The following ELMO1 variants were observed in gnomAD, a reference collection of about 807,000 sequenced individuals.
ELMO1 encodes the protein engulfment and cell motility protein 1.
In ELMO1, 26 loss-of-function variants were observed where a neutral mutation model predicts 98.9. The ratio of observed to expected loss-of-function variants is 0.26; its 90% confidence interval spans 0.19 to 0.36. The LOEUF is 0.36. ELMO1 is among the 10% of genes least tolerant of loss of function. ELMO1 has a pLI of 1.00. For missense variants in ELMO1, 627 were observed against 935.2 expected (o/e 0.67, Z 4.30); for synonymous variants, 346 against 346.0 (o/e 1.00, Z 0.00).
rs1163841612 is a variant in ELMO1 at position 37,189,163 on chromosome 7, A to G, written c.1086+22223T>C. Among the ~76,000 whole-genome samples the G allele has an allele frequency of 2.0e-5, 3 of 152,342 alleles. No individual in the cohort carries two copies. The East Asian group carries it at 5.8e-4, about 29-fold the overall frequency. ...TTGTGTATGGAACACCATACTTTTA[A>G]TCATGATGTTTGAATGTTTATGTAC... On this transcript the variant is annotated intron_variant, in intron 13 of 21. Coordinates refer to ENST00000310758, the MANE Select transcript of ELMO1 (RefSeq NM_014800.11).
chr7:37,163,673 C>T (rs566983567), intron 13 of ELMO1, among the ~76,000 whole-genome samples: 2 of 150,592 alleles, frequency 1.3e-5, no homozygotes, highest in Non-Finnish European at 3.0e-5. Context: ...GACATGAACT[C>T]ATTTTATGGC....
At chr7:37,420,511 T>A (rs992813893) in intron 1 of ELMO1, among the ~76,000 whole-genome samples, 27 of 152,328 alleles carry the variant, frequency 1.8e-4, no homozygotes, top group African/African-American at 5.8e-4. Flanking sequence ...TTTGAGGCTG[T>A]GCTCGATAAA....
At chr7:36,933,555 G>C (rs1240270062) in intron 16 of ELMO1, among the ~76,000 whole-genome samples, 2 of 152,196 alleles carry the variant, frequency 1.3e-5, no homozygotes, top group African/African-American at 4.8e-5. Context: ...AGAGTGACAG[G>C]TGTGGGGTGC....
At chr7:37,217,836 G>A (rs1415497738) in intron 10 of ELMO1, 1 of 456,016 alleles carries the variant, frequency 2.2e-6, no homozygotes, top group Non-Finnish European at 4.4e-6. Context: ...CTCTGTTAGA[G>A]GTTGACCACT....
intron 14 of ELMO1, among the ~76,000 whole-genome samples, chr7:37,131,463 T>C (rs1786912570): frequency 6.6e-6 from 1 of 152,260 alleles, no homozygotes; most frequent in Non-Finnish European, 1.5e-5. Context: ...ATGAGACATA[T>C]GCTTCTTATG....
chr7:37,256,539 G>A (rs1466150768), intron 6 of ELMO1, among the ~76,000 whole-genome samples: 1 of 116,860 alleles, frequency 8.6e-6, no homozygotes, highest in Non-Finnish European at 1.7e-5. Context: ...AGGAAGGAAG[G>A]AAAGAAGGAA....
chr7:37,066,772 A>G (rs890953319), intron 15 of ELMO1, among the ~76,000 whole-genome samples: 4 of 152,224 alleles, frequency 2.6e-5, no homozygotes, highest in African/African-American at 9.6e-5. Context: ...TTATTTGCCA[A>G]TTAAAAAATA....
Position 37,386,778 on chromosome 7 carries a change from C to A in ELMO1, c.-73-44015G>T, listed in dbSNP as rs935633604. ...AGTTCTCGGTTTCAACAAAGATCCT[C>A]CCATCCCCTGCCGAATTTTGGTTGG... On this transcript the variant is annotated intron_variant, in intron 1 of 21. Transcript: ENST00000310758. 8.5e-5 allele frequency among the ~76,000 whole-genome samples: 13 copies of A among 152,202 alleles called. 1 individual carries two copies. The highest frequency in any genetic ancestry group is 1.6e-4 in the Non-Finnish European group (11 of 68,032).
At chr7:36,984,928 G>A (rs1056629691) in intron 16 of ELMO1, 68 of 985,166 alleles carry the variant, frequency 6.9e-5, no homozygotes, top group Non-Finnish European at 7.2e-5. Context: ...TCCTCTCCCC[G>A]TTCAGAATGA....
intron 18 of ELMO1, among the ~76,000 whole-genome samples, chr7:36,878,488 G>T (rs550759144): frequency 5.9e-5 from 9 of 152,154 alleles, no homozygotes; most frequent in African/African-American, 2.2e-4. Flanking sequence ...AAAAAAAACA[G>T]ATTTCTCAGA....
At chr7:36,950,611 G>C (rs1218499722) in intron 16 of ELMO1, among the ~76,000 whole-genome samples, 2 of 152,146 alleles carry the variant, frequency 1.3e-5, no homozygotes, top group Non-Finnish European at 2.9e-5. Context: ...TCAAGGCTGG[G>C]GACTGACTCA....
chr7:37,282,738 G>A (rs1303866704), intron 4 of ELMO1, among the ~76,000 whole-genome samples: 1 of 152,190 alleles, frequency 6.6e-6, no homozygotes, highest in Non-Finnish European at 1.5e-5. Flanking sequence ...GCCTTGCAGG[G>A]GCTGCTCACC....
chr7:37,306,481 T>A (rs1254430840), intron 4 of ELMO1, among the ~76,000 whole-genome samples: 1 of 152,172 alleles, frequency 6.6e-6, no homozygotes, highest in Non-Finnish European at 1.5e-5. Flanking sequence ...GGGGAGTCCA[T>A]GCCTACAAGC....
intron 16 of ELMO1, among the ~76,000 whole-genome samples, chr7:36,956,704 T>C (rs1050931228): frequency 1.3e-5 from 2 of 152,216 alleles, no homozygotes; most frequent in African/African-American, 4.8e-5. Flanking sequence ...AAGACTTTCA[T>C]AAAAAATATG....
intron 13 of ELMO1, among the ~76,000 whole-genome samples, chr7:37,182,537 C>G (rs145463107): frequency 7.4e-6 from 1 of 135,920 alleles, no homozygotes; most frequent in African/African-American, 2.8e-5. Flanking sequence ...ATGGCACGAT[C>G]GGTCTCGCTC....
intron 16 of ELMO1, among the ~76,000 whole-genome samples, chr7:36,921,950 CTTGTGGAGTT>C (rs377538540): frequency 6.6e-6 from 1 of 152,214 alleles, no homozygotes; most frequent in African/African-American, 2.4e-5. Flanking sequence ...CTTTTATTTT[CTTGTGGAGTT>C]TTCCCTATTC....
intron 1 of ELMO1, among the ~76,000 whole-genome samples, chr7:37,411,221 A>G (rs967047503): frequency 6.6e-6 from 1 of 152,232 alleles, no homozygotes; most frequent in African/African-American, 2.4e-5. Flanking sequence ...TCAAGGAGCA[A>G]TATTATTCCC....
rs1264144348 is a variant in ELMO1 at position 37,246,200 on chromosome 7, C to T, written c.414-1809G>A. ...ATAAATACGTAGGGAAAAAACAGAG[C>T]TCTTACTACCAAAGAAAACCAACTA... On this transcript the variant is annotated intron_variant, in intron 6 of 21. Coordinates refer to ENST00000310758, the MANE Select transcript of ELMO1 (RefSeq NM_014800.11). 5.9e-5 allele frequency among the ~76,000 whole-genome samples: 9 copies of T among 152,240 alleles called. No individual in the cohort carries two copies. In the East Asian group the frequency reaches 9.6e-4, roughly 16 times the overall value.
At chr7:37,411,621 T>G (rs937988812) in intron 1 of ELMO1, among the ~76,000 whole-genome samples, 2 of 152,202 alleles carry the variant, frequency 1.3e-5, no homozygotes, top group Non-Finnish European at 2.9e-5. Context: ...ATGGCATTTT[T>G]GTGTGTGTGC....
Sources: gnomAD v4.1 joint callset for allele counts (sites outside exome capture counted in the v4.1 genomes callset) on GRCh38, gnomAD v4.1.1 for gene constraint, MANE v1.5 for transcripts, NCBI Gene and HGNC (gene_info 2026-07-23, HGNC 2026-07-21) for gene names.